The following TINAG variants were observed in gnomAD, a reference collection of about 807,000 sequenced individuals.
TINAG encodes the protein tubulointerstitial nephritis antigen.
TINAG carries 83 observed loss-of-function variants against 72.7 expected under a neutral mutation model. That is an observed-to-expected ratio of 1.14 (90% CI 0.96 to 1.37). The LOEUF (loss-of-function observed/expected upper bound fraction) is 1.37. TINAG is among the 40% of genes most tolerant of loss of function. TINAG has a pLI of 0.00. For missense variants in TINAG, 685 were observed against 576.6 expected (o/e 1.19, Z -1.93); for synonymous variants, 234 against 189.9 (o/e 1.23, Z -1.91).
At chr6:54,323,663 A>C (rs1402973189) in intron 3 of TINAG, among the ~76,000 whole-genome samples, 2 of 152,220 alleles carry the variant, frequency 1.3e-5, no homozygotes, top group African/African-American at 2.4e-5. Flanking sequence ...GATACAAATA[A>C]ATCATTTTGG....
At chr6:54,384,229 G>A (rs543428563) in intron 10 of TINAG, among the ~76,000 whole-genome samples, 43 of 152,120 alleles carry the variant, frequency 2.8e-4, no homozygotes, top group Non-Finnish European at 3.8e-4. Context: ...GAGAGGGATA[G>A]CATTAGGAGA....
At chr6:54,382,634 G>A (rs1174197899) in intron 10 of TINAG, among the ~76,000 whole-genome samples, 6 of 152,028 alleles carry the variant, frequency 3.9e-5, no homozygotes, top group Non-Finnish European at 7.4e-5. Context: ...CAACACCTGG[G>A]TCAGAAGTAA....
At chr6:54,308,379 A>C (rs921173927), upstream of TINAG, 21 of 650,142 alleles carry the variant, frequency 3.2e-5, no homozygotes, top group Non-Finnish European at 5.5e-5. Context: ...CAAACATTGA[A>C]ATTCTTGATT....
rs1414324440 is a variant in TINAG, at chr6:54,376,035, C to T, written c.1251-4491C>T. On this transcript the variant is annotated intron_variant, in intron 9 of 10. Coordinates refer to ENST00000259782, the MANE Select transcript of TINAG (RefSeq NM_014464.4). ...CAGTCACACTGGACTAAGTGCTGCT[C>T]CTAGAATAGGCAGAGATGAGGTTTT... 2.6e-5 allele frequency among the ~76,000 whole-genome samples: 4 copies of T among 152,088 alleles called. No homozygotes were observed. In the East Asian group the frequency reaches 5.8e-4, roughly 22 times the overall value.
intron 9 of TINAG, among the ~76,000 whole-genome samples, chr6:54,378,866 C>A (rs1014448512): frequency 6.6e-6 from 1 of 152,058 alleles, no homozygotes; most frequent in Non-Finnish European, 1.5e-5. Flanking sequence ...TTTTCTCACA[C>A]CCCAAATCAC....
chr6:54,373,466 T>C (rs906164910), intron 9 of TINAG, among the ~76,000 whole-genome samples: 3 of 152,152 alleles, frequency 2.0e-5, no homozygotes, highest in South Asian at 2.1e-4. Context: ...TAGTTCTAAT[T>C]TTTATTGCTT....
intron 1 of TINAG, among the ~76,000 whole-genome samples, chr6:54,310,023 T>C (rs1421951152): frequency 6.6e-6 from 1 of 151,600 alleles, no homozygotes. Context: ...CCTTCTTCCC[T>C]CCCTCCACAC....
At position 54,349,897 on chromosome 6, in the gene TINAG, G is replaced by GTT; in HGVS notation, c.1080+2_1080+3insTT. 6.5e-7 allele frequency: 1 copy of GTT among 1,544,196 alleles called. No homozygotes were observed. Among genetic ancestry groups the GTT allele is most frequent in the Non-Finnish European group, 8.8e-7 (1 of 1,138,440 alleles). On this transcript the variant is annotated splice_donor_variant, in intron 7 of 10. Coordinates refer to ENST00000259782, the MANE Select transcript of TINAG (RefSeq NM_014464.4). LOFTEE classifies it high-confidence loss of function. ...TCCTCCATACAGAGTCTCTTCCAAC[G>GTT]TAAGTATAAATGGCAAGAATCAAGA... is the stretch of plus-strand genomic sequence containing the variant.
intron 4 of TINAG, among the ~76,000 whole-genome samples, chr6:54,332,537 C>T (rs994875439): frequency 6.6e-6 from 1 of 152,108 alleles, no homozygotes; most frequent in Non-Finnish European, 1.5e-5. Context: ...CTAGGCAATA[C>T]CATTCAGGAC....
At chr6:54,316,126 C>T (rs1205959970) in intron 1 of TINAG, among the ~76,000 whole-genome samples, 1 of 152,124 alleles carries the variant, frequency 6.6e-6, no homozygotes, top group Non-Finnish European at 1.5e-5. Context: ...GATAATATTA[C>T]AGAGGTAGAA....
intron 9 of TINAG, among the ~76,000 whole-genome samples, chr6:54,364,307 G>A (rs533299166): frequency 6.6e-6 from 1 of 151,442 alleles, no homozygotes; most frequent in East Asian, 2.0e-4. Context: ...TTTTCCAAAT[G>A]GGTGCAATAA....
intron 9 of TINAG, among the ~76,000 whole-genome samples, chr6:54,370,200 G>T (rs1405927379): frequency 6.6e-6 from 1 of 152,034 alleles, no homozygotes; most frequent in Non-Finnish European, 1.5e-5. Flanking sequence ...ATAATTGCAT[G>T]CTCAAATGTC....
At chr6:54,381,806 C>A (rs765084839) in intron 10 of TINAG, among the ~76,000 whole-genome samples, 17 of 151,936 alleles carry the variant, frequency 1.1e-4, no homozygotes, top group African/African-American at 4.8e-5. Flanking sequence ...AATCTCATAA[C>A]GATGTAATAT....
intron 10 of TINAG, among the ~76,000 whole-genome samples, chr6:54,387,464 T>TAA (rs67423357): frequency 6.6e-6 from 1 of 151,822 alleles, no homozygotes; most frequent in Non-Finnish European, 1.5e-5. Context: ...TATTTTGAGC[T>TAA]AAAAAAAAGT....
chr6:54,390,017 T>C lies in TINAG; in HGVS notation c.*92T>C. On this transcript the variant is annotated 3_prime_UTR_variant, in exon 11 of 11. Transcript: ENST00000259782. ...ACATTCTTGGTGACAGTGGAATCTT[T>C]GTCTCTTCACCGTGTTAACATAATC... The C allele has an allele frequency of 3.3e-6, 5 of 1,507,640 alleles. No homozygotes were observed. Among genetic ancestry groups the C allele is most frequent in the Non-Finnish European group, 3.6e-6 (4 of 1,111,240 alleles). 93.4% of individuals were successfully genotyped at this position (1,507,640 alleles called of 1,614,324 possible).
chr6:54,333,495 G>A (rs372086448), intron 4 of TINAG, among the ~76,000 whole-genome samples: 4 of 151,962 alleles, frequency 2.6e-5, no homozygotes, highest in Admixed American at 6.6e-5. Context: ...GAGGGATAGC[G>A]TTAGGAGAAA....
At chr6:54,310,032 A>T (rs1784202153) in intron 1 of TINAG, among the ~76,000 whole-genome samples, 1 of 143,878 alleles carries the variant, frequency 7.0e-6, no homozygotes. Flanking sequence ...CTCCCTCCAC[A>T]CCTCCATCCT....
At chr6:54,382,118 T>G (rs899358374) in intron 10 of TINAG, among the ~76,000 whole-genome samples, 1 of 152,092 alleles carries the variant, frequency 6.6e-6, no homozygotes, top group Non-Finnish European at 1.5e-5. Flanking sequence ...TACTATCGAT[T>G]CTGAACTTAC....
At chr6:54,316,120 A>G (rs954161308) in intron 1 of TINAG, among the ~76,000 whole-genome samples, 1 of 152,274 alleles carries the variant, frequency 6.6e-6, no homozygotes, top group Non-Finnish European at 1.5e-5. Flanking sequence ...ACATGTGATA[A>G]TATTACAGAG....
Sources: allele counts gnomAD v4.1 joint callset (sites outside exome capture counted in the v4.1 genomes callset), GRCh38; gene constraint gnomAD v4.1.1; transcripts MANE v1.5; gene names NCBI Gene and HGNC (gene_info 2026-07-23, HGNC 2026-07-21).